KIAA0825: variants seen among roughly 807,000 people sequenced by gnomAD.
KIAA0825 encodes uncharacterized protein KIAA0825.
A neutral mutation model predicts 147.6 loss-of-function variants in KIAA0825; 119 were observed. The observed-to-expected ratio is 0.81, with a 90% CI of 0.69 to 0.94. The LOEUF is 0.94. Among genes scored for constraint, KIAA0825 ranks in the 40% least tolerant of loss-of-function variants. KIAA0825 has a pLI of 0.00. For missense variants in KIAA0825, 1,381 were observed against 1,472.7 expected (o/e 0.94, Z 1.02); for synonymous variants, 470 against 518.1 (o/e 0.91, Z 1.26).
At chr5:94,523,843 CAAAT>C (rs779919322) in intron 4 of KIAA0825, 83 bp downstream of exon 4, 214 of 905,748 alleles carry the variant, frequency 2.4e-4, no homozygotes, top group Middle Eastern at 1.7e-3. Flanking sequence ...TATGGTCACT[CAAAT>C]AAATATTTAC....
intron 2 of KIAA0825, chr5:94,569,737 C>T (rs1350957421): frequency 1.7e-5 from 5 of 285,948 alleles, no homozygotes; most frequent in Non-Finnish European, 2.6e-5. Flanking sequence ...TCTCATCAAT[C>T]GCCCACATCA....
rs938900351 is a variant in KIAA0825 at position 94,316,148 on chromosome 5, T to C, written c.3710+68220A>G. ...CGCCATCTCGTGTTATATATGGCTTTTACATTTATATATTTTTAAAAAGTT... is the reference window on the plus strand; with the variant it reads ...CGCCATCTCGTGTTATATATGGCTTCTACATTTATATATTTTTAAAAAGTT... On this transcript the variant is annotated intron_variant, in intron 20 of 20. Coordinates refer to ENST00000682413, the MANE Select transcript of KIAA0825 (RefSeq NM_001145678.3). Among the ~76,000 whole-genome samples the C allele has an allele frequency of 2.6e-5, 4 of 151,764 alleles. No individual in the cohort carries two copies. The South Asian group carries it at 6.2e-4, about 24-fold the overall frequency.
At chr5:94,203,752 C>T (rs1020977228) in intron 20 of KIAA0825, among the ~76,000 whole-genome samples, 2 of 152,128 alleles carry the variant, frequency 1.3e-5, no homozygotes, top group African/African-American at 4.8e-5. Context: ...TACAGCTCCT[C>T]ATCTCCTTCC....
intron 1 of KIAA0825, 26 bp from the exon 2 acceptor site, chr5:94,582,609 A>G (rs1355472317): frequency 6.6e-6 from 1 of 152,132 alleles, no homozygotes; most frequent in Non-Finnish European, 1.5e-5. Context: ...ATAAAGCTTT[A>G]TCACTGCCAC....
At chr5:94,338,096 T>C (rs1781988654) in intron 20 of KIAA0825, among the ~76,000 whole-genome samples, 1 of 152,258 alleles carries the variant, frequency 6.6e-6, no homozygotes, top group South Asian at 2.1e-4. Flanking sequence ...GAAAGACTGG[T>C]TCAGTACAAC....
At position 94,228,160 on chromosome 5, in the gene KIAA0825, CTATCAT is replaced by C. The variant is rs555948070; in HGVS notation, c.3711-74042_3711-74037del. Among the ~76,000 whole-genome samples, 768 of 152,100 alleles carry C rather than the reference CTATCAT, an allele frequency of 5.0e-3. 6 individuals are homozygous for C. Among genetic ancestry groups the C allele is most frequent in the African/African-American group, 0.017 (718 of 41,500 alleles). ...TTGACATCAGGATTTCATTTCAATG[CTATCAT>C]CTCTTGCTTTTTTGGTAACTTAGAG... On this transcript the variant is annotated intron_variant, in intron 20 of 20. Transcript: ENST00000682413.
intron 20 of KIAA0825, among the ~76,000 whole-genome samples, chr5:94,312,245 A>G (rs928635843): frequency 7.9e-5 from 12 of 151,486 alleles, no homozygotes; most frequent in African/African-American, 2.9e-4. Context: ...GTGTGCATAA[A>G]ATGTTTGTTA....
chr5:94,199,946 G>A (rs1771510233), intron 20 of KIAA0825, among the ~76,000 whole-genome samples: 1 of 152,186 alleles, frequency 6.6e-6, no homozygotes, highest in Non-Finnish European at 1.5e-5. Flanking sequence ...GACCCTGGGA[G>A]AGACTGGCAG....
intron 14 of KIAA0825, among the ~76,000 whole-genome samples, chr5:94,430,573 C>T (rs1040900113): frequency 4.6e-5 from 7 of 152,012 alleles, no homozygotes; most frequent in African/African-American, 7.2e-5. Context: ...CTAATAATCC[C>T]GGGTCATAAA....
At chr5:94,229,811 T>G (rs1180376582) in intron 20 of KIAA0825, among the ~76,000 whole-genome samples, 1 of 152,166 alleles carries the variant, frequency 6.6e-6, no homozygotes, top group East Asian at 1.9e-4. Context: ...GAATATTTAT[T>G]GTAGATTTTC....
At chr5:94,407,871 G>A (rs920543938) in intron 15 of KIAA0825, among the ~76,000 whole-genome samples, 3 of 152,144 alleles carry the variant, frequency 2.0e-5, no homozygotes, top group Non-Finnish European at 2.9e-5. Flanking sequence ...TTATAAAAAT[G>A]CAATTGCCTC....
At chr5:94,340,135 T>C (rs1251546275) in intron 20 of KIAA0825, among the ~76,000 whole-genome samples, 1 of 152,142 alleles carries the variant, frequency 6.6e-6, no homozygotes, top group Non-Finnish European at 1.5e-5. Flanking sequence ...CCATGGGGGA[T>C]TGGTTCCAGG....
At chr5:94,223,317 T>C (rs970970821) in intron 20 of KIAA0825, among the ~76,000 whole-genome samples, 1 of 152,298 alleles carries the variant, frequency 6.6e-6, no homozygotes, top group Non-Finnish European at 1.5e-5. Flanking sequence ...TAACTAGTTA[T>C]CTGTGGTGCC....
At position 94,520,344 on chromosome 5, in the gene KIAA0825, C is replaced by A. The variant is rs369647041; in HGVS notation, c.874G>T (p.Glu292Ter). Residue 292 changes from glutamate (E) to a stop codon, truncating the protein, a stop_gained, in exon 5 of 21, where the codon GAA becomes TAA. Transcript: ENST00000682413. LOFTEE classifies it high-confidence loss of function. The part of the protein sequence containing the change: ...TVTEEMAKFL[E>*]NFCELQFREN... ...CTGAACTGCAGCTCACAAAAATTTT[C>A]AAGAAATTTTGCCATTTCTTCTGTA... 1.3e-5 allele frequency: 21 copies of A among 1,613,490 alleles called. No individual in the cohort carries two copies. The highest frequency in any genetic ancestry group is 1.7e-5 in the Non-Finnish European group (20 of 1,179,526).
intron 20 of KIAA0825, 49 bp from the exon 21 acceptor site, chr5:94,154,173 G>A (rs776804130): frequency 5.3e-6 from 6 of 1,130,012 alleles, no homozygotes; most frequent in Middle Eastern, 2.0e-4. Flanking sequence ...CAAACCACAG[G>A]TCAACACTCA....
At chr5:94,426,033 CATTATT>C (rs60733170) in intron 14 of KIAA0825, among the ~76,000 whole-genome samples, 14 of 147,492 alleles carry the variant, frequency 9.5e-5, no homozygotes, top group Admixed American at 9.4e-4. Flanking sequence ...TTATTATTAT[CATTATT>C]ATTATTATTA....
intron 20 of KIAA0825, among the ~76,000 whole-genome samples, chr5:94,350,773 T>C (rs1196974703): frequency 1.3e-5 from 2 of 152,020 alleles, no homozygotes; most frequent in Non-Finnish European, 1.5e-5. Flanking sequence ...ACAAGGGACA[T>C]ACCTTAATGT....
At chr5:94,234,779 A>C (rs1774948763) in intron 20 of KIAA0825, among the ~76,000 whole-genome samples, 1 of 152,196 alleles carries the variant, frequency 6.6e-6, no homozygotes, top group African/African-American at 2.4e-5. Context: ...ATCCACCCCC[A>C]TGATCCAAAC....
intron 20 of KIAA0825, among the ~76,000 whole-genome samples, chr5:94,209,479 G>A (rs1362284870): frequency 3.3e-5 from 5 of 152,226 alleles, no homozygotes; most frequent in African/African-American, 4.8e-5. Flanking sequence ...AATAAGAGAC[G>A]AACTATGCTG....
Sources: allele counts gnomAD v4.1 joint callset (sites outside exome capture counted in the v4.1 genomes callset), GRCh38; gene constraint gnomAD v4.1.1; transcripts MANE v1.5; gene names NCBI Gene and HGNC (gene_info 2026-07-23, HGNC 2026-07-21).